The following ATXN1L variants were observed in gnomAD, a reference collection of about 807,000 sequenced individuals.
The protein encoded by ATXN1L is ataxin 1 like, also known as ataxin-1-like.
Under a neutral mutation model 43.4 loss-of-function variants are expected in ATXN1L, and 8 were observed. The ratio of observed to expected loss-of-function variants is 0.18; its 90% CI spans 0.11 to 0.33. ATXN1L has a LOEUF of 0.33. Ranked by LOEUF, ATXN1L falls within the 10% of genes least tolerant of loss-of-function variation. ATXN1L has a pLI of 1.00. For synonymous variants in ATXN1L, 379 were observed against 360.6 expected (o/e 1.05, Z -0.58); for missense variants, 856 against 885.4 (o/e 0.97, Z 0.42).
rs924596859 is a variant in ATXN1L at position 71,851,884 on chromosome 16, G to T, written c.*74G>T. 9.5e-6 allele frequency: 13 copies of T among 1,361,832 alleles called. No homozygotes were observed. Among genetic ancestry groups the T allele is most frequent in the Non-Finnish European group, 1.2e-5 (13 of 1,046,756 alleles). 84.4% of individuals were successfully genotyped at this position (1,361,832 alleles called of 1,614,324 possible). ...GCCGCCGTGAGCAGGCAGAGGATTT[G>T]CACACGCCGAGCAGGGAATGGCTTT... On this transcript the variant is annotated 3_prime_UTR_variant, in exon 3 of 3. Coordinates refer to ENST00000427980, the MANE Select transcript of ATXN1L (RefSeq NM_001137675.4). The surrounding 1 kb of genome is among the most constrained non-coding windows in gnomAD (Gnocchi z 4.9).
chr16:71,849,940 G>C lies in ATXN1L; in HGVS notation c.200G>C (p.Gly67Ala). 6.4e-7 allele frequency: 1 copy of C among 1,551,396 alleles called. No homozygotes were observed. Among genetic ancestry groups the C allele is most frequent in the South Asian group, 1.2e-5 (1 of 84,056 alleles). Residue 67 changes from glycine (G) to alanine (A), a missense_variant, in exon 3 of 3, where the codon GGA (glycine) becomes GCA (alanine). By Grantham distance (60) the Gly-to-Ala change is moderately conservative. This residue lies in a region of ATXN1L where 93 missense variants were observed against 113.4 expected (regional missense o/e 0.82). Transcript: ENST00000427980. ...GCCAGAGTCAGCCTGGGGGGTGATG[G>C]AGCTGAGGCCATCACCGGTCTGACA... ...AGARVSLGGDGAEAITGLTVD... is the reference protein window; with the variant it reads ...AGARVSLGGDAAEAITGLTVD...
rs987109705 is a variant in ATXN1L, at chr16:71,846,002, C to T, written c.-282C>T. Reference sequence around the variant, plus strand: ...TCTCCGGGCGCCCGGCTGTGGGGGGCGCTGGGTGTGGGGCGGCTCCGGGGC... The same window carrying T: ...TCTCCGGGCGCCCGGCTGTGGGGGGTGCTGGGTGTGGGGCGGCTCCGGGGC... On this transcript the variant is annotated 5_prime_UTR_variant, in exon 1 of 3. Coordinates refer to ENST00000427980, the MANE Select transcript of ATXN1L (RefSeq NM_001137675.4). The T allele has an allele frequency of 3.6e-5, 6 of 166,070 alleles. No individual in the cohort carries two copies. The highest frequency in any genetic ancestry group is 2.2e-4 in the South Asian group (2 of 8,902). The allele number at this position is 166,070 out of a possible 1,614,324, so 10.3% of individuals were successfully genotyped here.
Position 71,850,654 on chromosome 16 carries a change from G to C in ATXN1L, c.914G>C (p.Cys305Ser). The C allele has an allele frequency of 6.4e-7, 1 of 1,551,748 alleles. No homozygotes were observed. Among genetic ancestry groups the C allele is most frequent in the Admixed American group, 2.0e-5 (1 of 51,004 alleles). The change falls in exon 3 of 3, where the codon TGT becomes TCT. Residue 305 changes from cysteine to serine, a missense_variant. Physicochemically the swap from Cys to Ser is moderately radical, Grantham distance 112. Transcript: ENST00000427980. ...CAGGGACTGGTGCCAGTGGTAGAATGTGTGGTGGATGGACAGTTGTTTTCA... is the reference window on the plus strand; with the variant it reads ...CAGGGACTGGTGCCAGTGGTAGAATCTGTGGTGGATGGACAGTTGTTTTCA... The part of the protein sequence containing the change: ...EGQGLVPVVE[C>S]VVDGQLFSGS...
chr16:71,851,109 C>T lies in ATXN1L; in HGVS notation c.1369C>T (p.Pro457Ser), dbSNP rs758373482. 1.2e-5 allele frequency: 19 copies of T among 1,551,628 alleles called. No individual in the cohort carries two copies. Among genetic ancestry groups the T allele is most frequent in the Middle Eastern group, 1.7e-4 (1 of 5,992 alleles). ...CACCTTCCCAGACAAGGAGCCAACG[C>T]CGCCCCCCATTACCTCCTCTCACTT... ...RATFPDKEPT[P>S]PPITSSHLPS... Residue 457 changes from proline to serine, a missense_variant, in exon 3 of 3, where the codon CCG (proline) becomes TCG (serine). Coordinates refer to ENST00000427980, the MANE Select transcript of ATXN1L (RefSeq NM_001137675.4). The surrounding 1 kb of genome is among the most constrained non-coding windows in gnomAD (Gnocchi z 4.9).
Position 71,851,676 on chromosome 16 carries a change from G to A in ATXN1L, c.1936G>A (p.Ala646Thr). The A allele has an allele frequency of 4.6e-6, 7 of 1,507,284 alleles. No individual in the cohort carries two copies. Among genetic ancestry groups the A allele is most frequent in the Non-Finnish European group, 6.2e-6 (7 of 1,122,630 alleles). 93.4% of individuals were successfully genotyped at this position (1,507,284 alleles called of 1,614,324 possible). A position where few individuals can be genotyped will look rare whatever the true frequency, so the allele number is the denominator to read the frequency against. Residue 646 changes from alanine (A) to threonine (T), a missense_variant, in exon 3 of 3, where the codon GCC (alanine) becomes ACC (threonine). Around this residue, in one of 7 missense-constraint regions of ATXN1L, gnomAD observed 185 missense variants for 176.8 expected, o/e 1.05. Coordinates refer to ENST00000427980, the MANE Select transcript of ATXN1L (RefSeq NM_001137675.4). The surrounding 1 kb of genome is among the most constrained non-coding windows in gnomAD (Gnocchi z 4.9). ...EPSQPESGAQ[A>T]CWPAPSFQRY... ...TTCCCAGCCTGAGTCCGGTGCTCAG[G>A]CCTGCTGGCCAGCCCCGAGCTTCCA...
intron 1 of ATXN1L, among the ~76,000 whole-genome samples, chr16:71,847,755 T>C (rs1206638067): frequency 6.6e-6 from 1 of 152,118 alleles, no homozygotes; most frequent in Non-Finnish European, 1.5e-5. Context: ...GGAAATGATG[T>C]TACGGAAAAC....
In ATXN1L at chr16:71,855,807, T is replaced by G. The variant is rs2033545389; in HGVS notation, c.*3997T>G. The G allele has an allele frequency of 6.0e-6, 1 of 167,102 alleles. No individual in the cohort carries two copies. The highest frequency in any genetic ancestry group is 1.5e-5 in the Non-Finnish European group (1 of 68,128). The allele number at this position is 167,102 out of a possible 1,614,324, so 10.4% of individuals were successfully genotyped here. The stretch of plus-strand genomic sequence containing the variant: ...CTAGGCTAAGTTTACTAAACCACAC[T>G]GAAGCTATAGTACCTTCCAGATGGG... On this transcript the variant is annotated 3_prime_UTR_variant, in exon 3 of 3. Coordinates refer to ENST00000427980, the MANE Select transcript of ATXN1L (RefSeq NM_001137675.4).
Position 71,851,424 on chromosome 16 carries a change from C to T in ATXN1L, c.1684C>T (p.Gln562Ter), listed in dbSNP as rs1371196449. The T allele has an allele frequency of 6.4e-7, 1 of 1,551,616 alleles. No individual in the cohort carries two copies. ...WSSCSPGRTT[Q>*]LFSLPCHRLQ... ...CTCTTGCAGCCCTGGGCGGACGACA[C>T]AACTCTTCTCTCTGCCCTGCCATCG... Residue 562 changes from glutamine to a stop codon, truncating the protein, a stop_gained, in exon 3 of 3, where the codon CAA (glutamine) becomes TAA (stop). Coordinates refer to ENST00000427980, the MANE Select transcript of ATXN1L (RefSeq NM_001137675.4). LOFTEE classifies it high-confidence loss of function. This position sits in a 1 kb window ranked among gnomAD's most constrained non-coding sequence, Gnocchi z 4.9.
chr16:71,847,733 G>A (rs1010195595), intron 1 of ATXN1L, among the ~76,000 whole-genome samples: 4 of 152,050 alleles, frequency 2.6e-5, no homozygotes, highest in African/African-American at 9.7e-5. Flanking sequence ...AACAGGCACA[G>A]GTAGATGTTA....
intron 2 of ATXN1L, among the ~76,000 whole-genome samples, chr16:71,849,215 T>TAAAAAAAAAAAAA (rs377525889): frequency 2.3e-5 from 2 of 86,058 alleles, no homozygotes; most frequent in African/African-American, 4.4e-5. Context: ...TCCATGTGTT[T>TAAAAAAAAAAAAA]TAAAAAAAAA....
In ATXN1L at chr16:71,851,812, C is replaced by T. The variant is rs759766431; in HGVS notation, c.*2C>T. 1 of 1,430,366 alleles carries T rather than the reference C, an allele frequency of 7.0e-7. No homozygotes were observed. The highest frequency in any genetic ancestry group is 1.6e-5 in the South Asian group (1 of 61,158). The allele number at this position is 1,430,366 out of a possible 1,614,324, so 88.6% of individuals were successfully genotyped here. ...GGGCGTTCCAATGCGGGAAAATGAA[C>T]CTCTTCCCCAGACCAGGACTGGGGC... On this transcript the variant is annotated 3_prime_UTR_variant, in exon 3 of 3. Transcript: ENST00000427980. This position sits in a 1 kb window ranked among gnomAD's most constrained non-coding sequence, Gnocchi z 4.9.
intron 2 of ATXN1L, chr16:71,848,460 G>C (rs546607900): frequency 2.7e-4 from 42 of 157,494 alleles, no homozygotes; most frequent in Non-Finnish European, 5.2e-4. Context: ...GGAATGAATA[G>C]AGAAGGCAAA....
Position 71,856,034 on chromosome 16 carries a change from C to T in ATXN1L, c.*4224C>T, listed in dbSNP as rs188038315. On this transcript the variant is annotated 3_prime_UTR_variant, in exon 3 of 3. Transcript: ENST00000427980. ...TTCAACTCTAGGATCCATCTTTGGA[C>T]CAGAAGCCTGGTCTGTGCCTAGGAT... 74 of 167,134 alleles carry T rather than the reference C, an allele frequency of 4.4e-4. 1 individual carries two copies. The highest frequency in any genetic ancestry group is 7.2e-4 in the Non-Finnish European group (49 of 68,096). 10.4% of individuals were successfully genotyped at this position (167,134 alleles called of 1,614,324 possible).
rs528263587 is a variant in ATXN1L at position 71,855,536 on chromosome 16, C to T, written c.*3726C>T. On this transcript the variant is annotated 3_prime_UTR_variant, in exon 3 of 3. Coordinates refer to ENST00000427980, the MANE Select transcript of ATXN1L (RefSeq NM_001137675.4). Reference sequence around the variant, plus strand: ...TAGTTTTATTTTTACCTGCGGGCATCATGGGCGATTTAGGGGGAAGCACAG... The same window carrying T: ...TAGTTTTATTTTTACCTGCGGGCATTATGGGCGATTTAGGGGGAAGCACAG... 2 of 167,154 alleles carry T rather than the reference C, an allele frequency of 1.2e-5. No individual in the cohort carries two copies. Among genetic ancestry groups the T allele is most frequent in the Admixed American group, 1.3e-4 (2 of 15,294 alleles). 10.4% of individuals were successfully genotyped at this position (167,154 alleles called of 1,614,324 possible). A position where few individuals can be genotyped will look rare whatever the true frequency, so the allele number is the denominator to read the frequency against.
chr16:71,849,216 T>TAAAAAA (rs71153674), intron 2 of ATXN1L, among the ~76,000 whole-genome samples: 3 of 71,230 alleles, frequency 4.2e-5, no homozygotes, highest in Non-Finnish European at 8.1e-5. Flanking sequence ...CCATGTGTTT[T>TAAAAAA]AAAAAAAAAA....
rs532592720 is a variant in ATXN1L, at chr16:71,850,753, A to T, written c.1013A>T (p.Gln338Leu). The change falls in exon 3 of 3, where the codon CAG (glutamine) becomes CTG (leucine). Residue 338 changes from glutamine to leucine, a missense_variant. Physicochemically the swap from Gln to Leu is moderately radical, Grantham distance 113. Transcript: ENST00000427980. ...RGTPDTDLEV[Q>L]RVVGALASQD... ...ACCCCGGACACTGACCTTGAGGTCC[A>T]GCGGGTGGTTGGCGCTTTAGCTTCT... 6.4e-7 allele frequency: 1 copy of T among 1,551,712 alleles called. No homozygotes were observed. The highest frequency in any genetic ancestry group is 2.0e-5 in the Admixed American group (1 of 50,998).
At chr16:71,847,985 C>G (rs1009020418) in intron 1 of ATXN1L, 25 bp from the exon 2 acceptor site, 2 of 455,502 alleles carry the variant, frequency 4.4e-6, no homozygotes, top group African/African-American at 2.0e-5. Flanking sequence ...CAGCCGCTTA[C>G]TCCATTCCTG....
At chr16:71,846,145 G>A in intron 1 of ATXN1L, 41 bp downstream of exon 1, 1 of 183,688 alleles carries the variant, frequency 5.4e-6, no homozygotes, top group South Asian at 7.4e-5. Context: ...GGCCAGGCAG[G>A]CCTGGGGTCG....
rs1214652467 is a variant in ATXN1L at position 71,856,179 on chromosome 16, GAAC to G, written c.*4372_*4374del. ...GTTTGCCCTGCTGCCTCCCCAGCAGGAACAATAGTCATAAATGCACTTTTCACA... is the reference window on the plus strand; with the variant it reads ...GTTTGCCCTGCTGCCTCCCCAGCAGGAATAGTCATAAATGCACTTTTCACA... On this transcript the variant is annotated 3_prime_UTR_variant, in exon 3 of 3. Transcript: ENST00000427980. 3 of 167,030 alleles carry G rather than the reference GAAC, an allele frequency of 1.8e-5. No homozygotes were observed. Among genetic ancestry groups the G allele is most frequent in the African/African-American group, 7.2e-5 (3 of 41,432 alleles). 10.3% of individuals were successfully genotyped at this position (167,030 alleles called of 1,614,324 possible).
Sources: allele counts gnomAD v4.1 joint callset (sites outside exome capture counted in the v4.1 genomes callset), GRCh38; gene constraint gnomAD v4.1.1; regional missense constraint gnomAD v4.1.1; non-coding constraint Gnocchi (gnomAD v3.1); transcripts MANE v1.5; gene names NCBI Gene and HGNC (gene_info 2026-07-23, HGNC 2026-07-21).